The following SLC5A3 variants were observed in gnomAD, a reference collection of about 807,000 sequenced individuals.
SLC5A3 encodes the protein sodium/myo-inositol cotransporter.
SLC5A3 carries 10 observed loss-of-function variants against 43.2 expected under a neutral mutation model. The observed-to-expected ratio is 0.23, with a 90% CI of 0.14 to 0.39. SLC5A3 has a LOEUF of 0.39. SLC5A3 is among the 10% of genes least tolerant of loss of function. The pLI, the probability that SLC5A3 is intolerant of heterozygous loss-of-function variation, is 1.00. For synonymous variants in SLC5A3, 349 were observed against 322.0 expected, an observed-to-expected ratio of 1.08 and a Z score of -0.90; for missense variants, 608 against 893.4, an observed-to-expected ratio of 0.68 and a Z score of 4.07.
At chr21:34,086,515 GT>G in intron 1 of SLC5A3, among the ~76,000 whole-genome samples, 1 of 81,534 alleles carries the variant, frequency 1.2e-5, no homozygotes, top group East Asian at 4.2e-4. Context: ...TCTAGTTTGT[GT>G]TTGTGTGTGT....
chr21:34,104,181 T>C lies in SLC5A3; in HGVS notation c.*6826T>C, dbSNP rs371784778. On this transcript the variant is annotated 3_prime_UTR_variant, in exon 2 of 2. Coordinates refer to ENST00000381151, the MANE Select transcript of SLC5A3 (RefSeq NM_006933.7). The stretch of plus-strand genomic sequence containing the variant: ...TTAATAAAGGATAATTTGATCTGAG[T>C]GTTCTGAGCATCAGACTAATTCTGA... 1.0e-6 allele frequency: 1 copy of C among 1,000,094 alleles called. No individual in the cohort carries two copies. Among genetic ancestry groups the C allele is most frequent in the South Asian group, 4.7e-5 (1 of 21,286 alleles). 62.0% of individuals were successfully genotyped at this position (1,000,094 alleles called of 1,614,324 possible).
In SLC5A3 at chr21:34,103,177, C is replaced by G; in HGVS notation, c.*5822C>G. On this transcript the variant is annotated 3_prime_UTR_variant, in exon 2 of 2. Transcript: ENST00000381151. ...TATATATGGTATTCCATAATATAAC[C>G]AGCTTTTGAAATTTATGTGTTTGGA... The G allele has an allele frequency of 1.0e-6, 1 of 999,714 alleles. No homozygotes were observed. Among genetic ancestry groups the G allele is most frequent in the Non-Finnish European group, 1.2e-6 (1 of 829,738 alleles). 61.9% of individuals were successfully genotyped at this position (999,714 alleles called of 1,614,324 possible).
chr21:34,080,483 T>A (rs1335383082), intron 1 of SLC5A3, among the ~76,000 whole-genome samples: 1 of 152,170 alleles, frequency 6.6e-6, no homozygotes, highest in African/African-American at 2.4e-5. Flanking sequence ...TGGAACACCC[T>A]CCCTTTCCAC....
chr21:34,075,841 G>A (rs1463762170), intron 1 of SLC5A3, among the ~76,000 whole-genome samples: 1 of 151,110 alleles, frequency 6.6e-6, no homozygotes, highest in African/African-American at 2.5e-5. Context: ...TAGGATGAAT[G>A]TTTGGGGGGA....
At position 34,099,384 on chromosome 21, in the gene SLC5A3, T is replaced by G. The variant is rs1303710400; in HGVS notation, c.*2029T>G. ...ATGTGTCTGGACAAATGGTTGTCAA[T>G]GTTTTGTCCTGTTTTTTCAAAGGAA... On this transcript the variant is annotated 3_prime_UTR_variant, in exon 2 of 2. Transcript: ENST00000381151. The G allele has an allele frequency of 1.0e-6, 1 of 1,000,154 alleles. No individual in the cohort carries two copies. The highest frequency in any genetic ancestry group is 1.7e-5 in the African/African-American group (1 of 57,246). 62.0% of individuals were successfully genotyped at this position (1,000,154 alleles called of 1,614,324 possible). A position where few individuals can be genotyped will look rare whatever the true frequency, so the allele number is the denominator to read the frequency against.
chr21:34,101,050 A>G lies in SLC5A3; in HGVS notation c.*3695A>G. On this transcript the variant is annotated 3_prime_UTR_variant, in exon 2 of 2. Coordinates refer to ENST00000381151, the MANE Select transcript of SLC5A3 (RefSeq NM_006933.7). ...ACACCTCACTGTTTCCTAGGTTTGG[A>G]TAGAGAGATGTATACAAGACCTTTC... 1 of 1,000,168 alleles carries G rather than the reference A, an allele frequency of 1.0e-6. No homozygotes were observed. Among genetic ancestry groups the G allele is most frequent in the Non-Finnish European group, 1.2e-6 (1 of 829,944 alleles). The allele number at this position is 1,000,168 out of a possible 1,614,324, so 62.0% of individuals were successfully genotyped here.
At chr21:34,086,508 AGTTTGT>A (rs944714766) in intron 1 of SLC5A3, among the ~76,000 whole-genome samples, 9 of 115,920 alleles carry the variant, frequency 7.8e-5, no homozygotes, top group African/African-American at 3.0e-4. Context: ...GTTTATTTCT[AGTTTGT>A]GTTTGTGTGT....
At chr21:34,079,131 C>T (rs76930961) in intron 1 of SLC5A3, among the ~76,000 whole-genome samples, 300 of 152,256 alleles carry the variant, frequency 2.0e-3, no homozygotes, top group Non-Finnish European at 3.6e-3. Context: ...CAGATCTGAC[C>T]TGTCACCTAT....
intron 1 of SLC5A3, among the ~76,000 whole-genome samples, chr21:34,078,983 A>C (rs1208542747): frequency 6.6e-6 from 1 of 152,264 alleles, no homozygotes; most frequent in Admixed American, 6.5e-5. Context: ...GAATTAGTCA[A>C]ATGAATGTCT....
In SLC5A3 at chr21:34,082,452, AT is replaced by A. The variant is rs572568695; in HGVS notation, c.-337+8710del. On this transcript the variant is annotated intron_variant, in intron 1 of 1. Transcript: ENST00000381151. ...CTTGTTTTAGGCATGTATTAGTACT[AT>A]TTGGTTTGTACCCGTTGTATTAACC... 3.3e-3 allele frequency among the ~76,000 whole-genome samples: 508 copies of A among 152,220 alleles called. 5 individuals carry two copies. Among genetic ancestry groups the A allele is most frequent in the African/African-American group, 0.011 (477 of 41,532 alleles).
chr21:34,092,125 C>T (rs202124394), intron 1 of SLC5A3, among the ~76,000 whole-genome samples: 1 of 149,354 alleles, frequency 6.7e-6, no homozygotes, highest in Non-Finnish European at 1.5e-5. Context: ...GGAAGAAAAA[C>T]ATATATATAT....
chr21:34,105,167 C>T lies in SLC5A3; in HGVS notation c.*7812C>T, dbSNP rs369161974. On this transcript the variant is annotated 3_prime_UTR_variant, in exon 2 of 2. Coordinates refer to ENST00000381151, the MANE Select transcript of SLC5A3 (RefSeq NM_006933.7). The stretch of plus-strand genomic sequence containing the variant: ...GTTCCCTTGCTTTCCCCCACTGTTA[C>T]TGCTTCAGTTTATAGATTGCCAGCA... The T allele has an allele frequency of 4.0e-6, 4 of 1,000,148 alleles. No homozygotes were observed. Among genetic ancestry groups the T allele is most frequent in the East Asian group, 2.3e-4 (2 of 8,816 alleles). 62.0% of individuals were successfully genotyped at this position (1,000,148 alleles called of 1,614,324 possible).
At chr21:34,094,633 A>T (rs2105486) in intron 1 of SLC5A3, among the ~76,000 whole-genome samples, 152,367 of 152,368 alleles carry the variant, frequency 1, 76,183 homozygotes, top group Middle Eastern at 1. Context: ...GTTATGAGGT[A>T]GATGAATTTC....
At position 34,102,392 on chromosome 21, in the gene SLC5A3, C is replaced by G. The variant is rs1406845096; in HGVS notation, c.*5037C>G. 1.9e-5 allele frequency: 19 copies of G among 999,862 alleles called. No individual in the cohort carries two copies. Among genetic ancestry groups the G allele is most frequent in the South Asian group, 4.7e-5 (1 of 21,286 alleles). The allele number at this position is 999,862 out of a possible 1,614,324, so 61.9% of individuals were successfully genotyped here. A position where few individuals can be genotyped will look rare whatever the true frequency, so the allele number is the denominator to read the frequency against. The stretch of plus-strand genomic sequence containing the variant: ...ATGTAATTTCTGTTTCTGTTTCCAT[C>G]TAAACTTCTTTATAAAAAGAGGGAT... On this transcript the variant is annotated 3_prime_UTR_variant, in exon 2 of 2. Transcript: ENST00000381151.
chr21:34,098,408 T>G lies in SLC5A3; in HGVS notation c.*1053T>G. 1.0e-6 allele frequency: 1 copy of G among 1,000,280 alleles called. No individual in the cohort carries two copies. The highest frequency in any genetic ancestry group is 5.2e-4 in the Middle Eastern group (1 of 1,916). 62.0% of individuals were successfully genotyped at this position (1,000,280 alleles called of 1,614,324 possible). ...TCATGATATATCAAGGTTGAATTTT[T>G]AGAGGGAAAATTTAATTCTGATATC... On this transcript the variant is annotated 3_prime_UTR_variant, in exon 2 of 2. Coordinates refer to ENST00000381151, the MANE Select transcript of SLC5A3 (RefSeq NM_006933.7).
chr21:34,090,020 C>G (rs146658235), intron 1 of SLC5A3, among the ~76,000 whole-genome samples: 1 of 152,248 alleles, frequency 6.6e-6, no homozygotes, highest in Non-Finnish European at 1.5e-5. Context: ...ATCTGAACAT[C>G]CCAAACCCAA....
At position 34,106,176 on chromosome 21, in the gene SLC5A3, A is replaced by G. The variant is rs1979467189; in HGVS notation, c.*8821A>G. ...TGCAAAGTACATTCCTTTCTGTGGT[A>G]TTTTGTCCTGTAACTGAAGTATAGT... On this transcript the variant is annotated 3_prime_UTR_variant, in exon 2 of 2. Transcript: ENST00000381151. 2 of 988,296 alleles carry G rather than the reference A, an allele frequency of 2.0e-6. No individual in the cohort carries two copies. Among genetic ancestry groups the G allele is most frequent in the Middle Eastern group, 5.3e-4 (1 of 1,888 alleles). 61.2% of individuals were successfully genotyped at this position (988,296 alleles called of 1,614,324 possible).
At chr21:34,080,450 C>T (rs762903437) in intron 1 of SLC5A3, among the ~76,000 whole-genome samples, 8 of 152,042 alleles carry the variant, frequency 5.3e-5, no homozygotes, top group African/African-American at 1.4e-4. Flanking sequence ...TCTTTGGTGC[C>T]GGCATCATGC....
In SLC5A3 at chr21:34,102,794, ATTG is replaced by A. The variant is rs2148662021; in HGVS notation, c.*5444_*5446del. ...TACCACTGAAAAGCACTATAACATA[ATTG>A]TTGTCCATGATACTGAAGCTTTTCC... On this transcript the variant is annotated 3_prime_UTR_variant, in exon 2 of 2. Transcript: ENST00000381151. 2 of 1,000,056 alleles carry A rather than the reference ATTG, an allele frequency of 2.0e-6. No homozygotes were observed. Among genetic ancestry groups the A allele is most frequent in the East Asian group, 1.1e-4 (1 of 8,812 alleles). 61.9% of individuals were successfully genotyped at this position (1,000,056 alleles called of 1,614,324 possible). A position where few individuals can be genotyped will look rare whatever the true frequency, so the allele number is the denominator to read the frequency against.
Sources: allele counts gnomAD v4.1 joint callset (sites outside exome capture counted in the v4.1 genomes callset), GRCh38; gene constraint gnomAD v4.1.1; transcripts MANE v1.5; gene names NCBI Gene and HGNC (gene_info 2026-07-23, HGNC 2026-07-21).